The following RPS6KC1 variants were observed in gnomAD, a reference collection of about 807,000 sequenced individuals.
RPS6KC1 encodes ribosomal protein S6 kinase C1.
Under a neutral mutation model 103.8 loss-of-function variants are expected in RPS6KC1, and 54 were observed. The ratio of observed to expected loss-of-function variants is 0.52; its 90% CI spans 0.42 to 0.65. RPS6KC1 has a LOEUF of 0.65. Ranked by LOEUF, RPS6KC1 falls within the 30% of genes least tolerant of loss-of-function variation. The pLI is 0.00. For missense variants in RPS6KC1, 1,151 were observed against 1,253.8 expected, an observed-to-expected ratio of 0.92 and a Z score of 1.24; for synonymous variants, 439 against 438.7, an observed-to-expected ratio of 1.00 and a Z score of -0.01.
the RPS6KC1 span, among the ~76,000 whole-genome samples, chr1:213,641,341 T>C: frequency 5.9e-5 from 9 of 152,212 alleles, no homozygotes; most frequent in South Asian, 1.7e-3. Flanking sequence ...ATTTGTAGTA[T>C]TTTGAATATT....
the RPS6KC1 span, among the ~76,000 whole-genome samples, chr1:213,459,913 A>C: frequency 6.6e-6 from 1 of 152,102 alleles, no homozygotes; most frequent in African/African-American, 2.4e-5. Context: ...GAGTTTCTTA[A>C]TCCTGAGTTC....
At chr1:213,196,612 C>T (rs2092957521) in intron 8 of RPS6KC1, among the ~76,000 whole-genome samples, 3 of 152,000 alleles carry the variant, frequency 2.0e-5, no homozygotes, top group Non-Finnish European at 2.9e-5. Flanking sequence ...TTTATGGTTT[C>T]GGGTCTTAGA....
the RPS6KC1 span, among the ~76,000 whole-genome samples, chr1:213,439,496 ATGTGTTGT>A: frequency 6.6e-6 from 1 of 151,810 alleles, no homozygotes; most frequent in Non-Finnish European, 1.5e-5. Context: ...CAAAGGCCTA[ATGTGTTGT>A]TGTGGTTGGG....
the RPS6KC1 span, among the ~76,000 whole-genome samples, chr1:213,428,536 CTCTCTT>C: frequency 5.0e-4 from 44 of 87,186 alleles, no homozygotes; most frequent in Middle Eastern, 7.2e-3. Context: ...CTCTCTCTCT[CTCTCTT>C]TCTTTCTTTC....
At chr1:213,507,213 T>C in the RPS6KC1 span, among the ~76,000 whole-genome samples, 1 of 152,164 alleles carries the variant, frequency 6.6e-6, no homozygotes, top group South Asian at 2.1e-4. Flanking sequence ...TCCCCACATT[T>C]GAGGACTCGA....
chr1:213,355,958 C>T, the RPS6KC1 span, among the ~76,000 whole-genome samples: 1 of 152,150 alleles, frequency 6.6e-6, no homozygotes, highest in Non-Finnish European at 1.5e-5. Context: ...GTACCTATGT[C>T]ATAAGGTTGT....
intron 8 of RPS6KC1, among the ~76,000 whole-genome samples, chr1:213,211,882 T>C (rs907118059): frequency 3.9e-5 from 6 of 152,166 alleles, no homozygotes; most frequent in African/African-American, 1.4e-4. Flanking sequence ...GCCAAGTGAT[T>C]TTTAGATGGG....
intron 5 of RPS6KC1, among the ~76,000 whole-genome samples, chr1:213,126,751 G>A (rs1003006852): frequency 6.6e-6 from 1 of 152,134 alleles, no homozygotes; most frequent in African/African-American, 2.4e-5. Context: ...TTCAATGTCT[G>A]TAAATAAAGT....
chr1:213,695,891 C>T, the RPS6KC1 span, among the ~76,000 whole-genome samples: 2 of 152,194 alleles, frequency 1.3e-5, no homozygotes, highest in Admixed American at 1.3e-4. Context: ...GAGTAGAAAA[C>T]CCAAAGAATA....
intron 8 of RPS6KC1, among the ~76,000 whole-genome samples, chr1:213,228,185 T>C (rs1471073713): frequency 6.6e-6 from 1 of 152,212 alleles, no homozygotes; most frequent in African/African-American, 2.4e-5. Context: ...ACATTTGTGC[T>C]GCATATGGAA....
At chr1:213,554,526 G>A in the RPS6KC1 span, among the ~76,000 whole-genome samples, 1 of 152,182 alleles carries the variant, frequency 6.6e-6, no homozygotes, top group Non-Finnish European at 1.5e-5. Flanking sequence ...GGTTCCAAAT[G>A]AATTTTAGAA....
the RPS6KC1 span, among the ~76,000 whole-genome samples, chr1:213,792,143 A>C: frequency 6.6e-6 from 1 of 152,186 alleles, no homozygotes; most frequent in Admixed American, 6.5e-5. Flanking sequence ...TGCATCTCAA[A>C]GAACATTCAC....
chr1:213,402,397 A>G, the RPS6KC1 span, among the ~76,000 whole-genome samples: 1 of 151,970 alleles, frequency 6.6e-6, no homozygotes, highest in Non-Finnish European at 1.5e-5. Flanking sequence ...CCCCTCCTCA[A>G]CCTCTTCAGA....
At chr1:213,380,143 C>T in the RPS6KC1 span, among the ~76,000 whole-genome samples, 877 of 152,154 alleles carry the variant, frequency 5.8e-3, 11 homozygotes, top group African/African-American at 0.016. Flanking sequence ...ACTATGCAGC[C>T]GCAAAAAGGA....
the RPS6KC1 span, among the ~76,000 whole-genome samples, chr1:213,748,992 C>A: frequency 2.0e-5 from 3 of 152,216 alleles, no homozygotes; most frequent in Non-Finnish European, 4.4e-5. Flanking sequence ...CCAGGCTGGA[C>A]AGCCTGTAGA....
At chr1:213,216,987 C>A (rs946794191) in intron 8 of RPS6KC1, among the ~76,000 whole-genome samples, 5 of 151,592 alleles carry the variant, frequency 3.3e-5, no homozygotes, top group African/African-American at 1.2e-4. Context: ...CAAACACATT[C>A]AAAAGCTAGC....
intron 8 of RPS6KC1, among the ~76,000 whole-genome samples, chr1:213,223,496 A>G (rs1264168099): frequency 6.6e-6 from 1 of 152,142 alleles, no homozygotes; most frequent in Non-Finnish European, 1.5e-5. Flanking sequence ...ACTTAGAGTA[A>G]TGGCCTCCAC....
At chr1:213,752,132 G>T in the RPS6KC1 span, among the ~76,000 whole-genome samples, 1 of 152,088 alleles carries the variant, frequency 6.6e-6, no homozygotes, top group Non-Finnish European at 1.5e-5. Flanking sequence ...TGAACAGAGG[G>T]CCCATTTTAT....
At chr1:213,747,863 T>C in the RPS6KC1 span, among the ~76,000 whole-genome samples, 4 of 152,186 alleles carry the variant, frequency 2.6e-5, no homozygotes, top group East Asian at 1.9e-4. Flanking sequence ...GTGGATGACA[T>C]TGATTAACTA....
Sources: gnomAD v4.1 joint callset for allele counts (sites outside exome capture counted in the v4.1 genomes callset) on GRCh38, gnomAD v4.1.1 for gene constraint, MANE v1.5 for transcripts, NCBI Gene and HGNC (gene_info 2026-07-23, HGNC 2026-07-21) for gene names.